The following ZC3H12B variants were observed in gnomAD, a reference collection of about 807,000 sequenced individuals.
ZC3H12B encodes the protein zinc finger CCCH-type containing 12B.
In ZC3H12B, 7 loss-of-function variants were observed where a neutral mutation model predicts 43.9. That is an observed-to-expected ratio of 0.16 (90% CI 0.09 to 0.30). ZC3H12B has a LOEUF of 0.30. ZC3H12B is among the 10% of genes least tolerant of loss of function. ZC3H12B has a pLI of 1.00. For synonymous variants in ZC3H12B, 222 were observed against 241.7 expected, an observed-to-expected ratio of 0.92 and a Z score of 0.76; for missense variants, 475 against 670.2, an observed-to-expected ratio of 0.71 and a Z score of 3.22.
the ZC3H12B span, among the ~76,000 whole-genome samples, chrX:65,302,042 T>C: frequency 3.8e-4 from 42 of 110,465 alleles, no homozygotes; most frequent in African/African-American, 1.4e-3. Flanking sequence ...TTCTGAAAAA[T>C]GTACAAGAAA....
In ZC3H12B at chrX:65,408,342, C is replaced by T. The variant is rs1266160641; in HGVS notation, n.407+9638C>T. 7 of 1,200,632 alleles carry T rather than the reference C, an allele frequency of 5.8e-6. No individual in the cohort carries two copies. The Admixed American group carries it at 8.7e-5, about 15-fold the overall frequency. On this transcript the variant is annotated intron_variant and non_coding_transcript_variant, in intron 3 of 5. Transcript: ENST00000617377. ...ACTGAAATCGCCAAGAGATTGAATA[C>T]GATTTGTGCACAAGTCATCCCATTT...
chrX:65,377,715 C>A (rs1256597279), intron 2 of ZC3H12B, among the ~76,000 whole-genome samples: 2 of 111,159 alleles, frequency 1.8e-5, no homozygotes, highest in Admixed American at 1.9e-4. Flanking sequence ...CAAACAAAAG[C>A]TGAGGAATTT....
intron 3 of ZC3H12B, among the ~76,000 whole-genome samples, chrX:65,446,154 G>A (rs780435704): frequency 8.9e-5 from 10 of 111,903 alleles, no homozygotes; most frequent in Non-Finnish European, 1.7e-4. Flanking sequence ...TGGGAACTGG[G>A]GCCTGGAATG....
the ZC3H12B span, among the ~76,000 whole-genome samples, chrX:65,057,946 C>T: frequency 4.5e-5 from 5 of 111,747 alleles, no homozygotes; most frequent in Non-Finnish European, 3.8e-5. Context: ...GGTCATTTAA[C>T]GACATCTCTA....
chrX:65,136,658 G>A, the ZC3H12B span, among the ~76,000 whole-genome samples: 2 of 111,635 alleles, frequency 1.8e-5, no homozygotes, highest in East Asian at 2.8e-4. Context: ...TTTCTGGAAT[G>A]CTGGCTTCTT....
At chrX:65,335,237 A>G in the ZC3H12B span, among the ~76,000 whole-genome samples, 1 of 111,610 alleles carries the variant, frequency 9.0e-6, no homozygotes, top group Non-Finnish European at 1.9e-5. Context: ...TTTTTTCAAA[A>G]TGGGGTCTGT....
At chrX:65,312,663 T>A in the ZC3H12B span, among the ~76,000 whole-genome samples, 1 of 111,610 alleles carries the variant, frequency 9.0e-6, no homozygotes, top group Non-Finnish European at 1.9e-5. Context: ...GAGAATGGGA[T>A]GTCCAAGGTT....
At chrX:65,061,899 G>A in the ZC3H12B span, among the ~76,000 whole-genome samples, 3 of 112,564 alleles carry the variant, frequency 2.7e-5, no homozygotes, top group African/African-American at 9.7e-5. Flanking sequence ...GTTTTGATTT[G>A]CATTTCTTTA....
At chrX:65,395,692 T>A (rs770594953) in intron 2 of ZC3H12B, among the ~76,000 whole-genome samples, 1 of 111,925 alleles carries the variant, frequency 8.9e-6, no homozygotes, top group South Asian at 3.7e-4. Context: ...AGGATGATTC[T>A]GGCCTCATAA....
At chrX:65,187,851 T>C in the ZC3H12B span, among the ~76,000 whole-genome samples, 1 of 110,759 alleles carries the variant, frequency 9.0e-6, no homozygotes, top group Non-Finnish European at 1.9e-5. Context: ...ATATAAACTG[T>C]TGTTGACTGT....
At chrX:65,507,495 C>T (rs1251381063) in exon 5 of ZC3H12B, 3 of 112,440 alleles carry the variant, frequency 2.7e-5, no homozygotes, top group Non-Finnish European at 5.6e-5. Context: ...TAGCTATATA[C>T]ATAGATTGAC....
At chrX:65,165,682 A>G in the ZC3H12B span, among the ~76,000 whole-genome samples, 76 of 112,644 alleles carry the variant, frequency 6.7e-4, no homozygotes, top group African/African-American at 2.4e-3. Flanking sequence ...AATTTTCTTT[A>G]TCCAGTCTAT....
intron 3 of ZC3H12B, among the ~76,000 whole-genome samples, chrX:65,466,530 T>C (rs937438111): frequency 1.8e-5 from 2 of 110,120 alleles, no homozygotes; most frequent in Admixed American, 2.0e-4. Context: ...CAAATGAACA[T>C]TGGATTGCAG....
chrX:65,117,753 G>A, the ZC3H12B span, among the ~76,000 whole-genome samples: 1 of 111,727 alleles, frequency 9.0e-6, no homozygotes, highest in Non-Finnish European at 1.9e-5. Context: ...GTATAAGGAA[G>A]GGATCCATTT....
the ZC3H12B span, among the ~76,000 whole-genome samples, chrX:65,155,791 A>G: frequency 9.0e-6 from 1 of 110,823 alleles, no homozygotes; most frequent in Non-Finnish European, 1.9e-5. Context: ...GCTTGGGAGT[A>G]CTAGGCTACA....
At chrX:65,216,581 G>C in the ZC3H12B span, among the ~76,000 whole-genome samples, 1 of 111,475 alleles carries the variant, frequency 9.0e-6, no homozygotes, top group African/African-American at 3.3e-5. Context: ...GTACGGCATT[G>C]GTCTCTGAGG....
At chrX:65,106,888 A>G in the ZC3H12B span, among the ~76,000 whole-genome samples, 1 of 111,587 alleles carries the variant, frequency 9.0e-6, no homozygotes, top group African/African-American at 3.3e-5. Flanking sequence ...TAGTATTCCA[A>G]TTTTCATATA....
In ZC3H12B at chrX:65,408,105, C is replaced by G. The variant is rs2066858627; in HGVS notation, n.407+9401C>G. The G allele has an allele frequency of 3.3e-6, 4 of 1,195,743 alleles. No individual in the cohort carries two copies. In the South Asian group the frequency reaches 5.5e-5, roughly 16 times the overall value. On this transcript the variant is annotated intron_variant and non_coding_transcript_variant, in intron 3 of 5. Transcript: ENST00000617377. Reference sequence around the variant, plus strand: ...GCGATGTTCCCGCAGAGCCGGCACCCGACGCCGCACCAGGCTGCAGGCCAG... The same window carrying G: ...GCGATGTTCCCGCAGAGCCGGCACCGGACGCCGCACCAGGCTGCAGGCCAG...
chrX:65,256,478 T>C, the ZC3H12B span, among the ~76,000 whole-genome samples: 1 of 112,017 alleles, frequency 8.9e-6, no homozygotes, highest in African/African-American at 3.2e-5. Flanking sequence ...AATAAGAAAT[T>C]CTTTGAAACT....
Sources: allele counts gnomAD v4.1 joint callset (sites outside exome capture counted in the v4.1 genomes callset), GRCh38; gene constraint gnomAD v4.1.1; transcripts MANE v1.5; gene names NCBI Gene and HGNC (gene_info 2026-07-23, HGNC 2026-07-21).